GCNT2: variants seen among roughly 807,000 people sequenced by gnomAD.
GCNT2 encodes N-acetyllactosaminide beta-1,6-N-acetylglucosaminyl-transferase.
GCNT2 carries 34 observed loss-of-function variants against 34.2 expected under a neutral mutation model. The ratio of observed to expected loss-of-function variants is 1.00; its 90% confidence interval spans 0.76 to 1.32. The LOEUF is 1.32. GCNT2 is among the 40% of genes most tolerant of loss of function. GCNT2 has a pLI of 0.00. For synonymous variants in GCNT2, 212 were observed against 188.0 expected, an observed-to-expected ratio of 1.13 and a Z score of -1.04; for missense variants, 584 against 489.4, an observed-to-expected ratio of 1.19 and a Z score of -1.82.
chr6:10,604,851 C>T (rs1171303555), intron 3 of GCNT2, among the ~76,000 whole-genome samples: 1 of 137,068 alleles, frequency 7.3e-6, no homozygotes, highest in Non-Finnish European at 1.6e-5. Context: ...AGAGTGAGAC[C>T]TTGTCTCAAA....
At chr6:10,608,335 C>G (rs1449734102) in intron 3 of GCNT2, among the ~76,000 whole-genome samples, 1 of 152,132 alleles carries the variant, frequency 6.6e-6, no homozygotes, top group Non-Finnish European at 1.5e-5. Flanking sequence ...GCCTCAGCCT[C>G]ACAAAGTGCT....
rs1761412610 is a variant in GCNT2 at position 10,530,107 on chromosome 6, A to G, written c.925+271A>G. ...CCGAGCACAGTGGCTCAAGCCTGTAATCACAGCACTTTGGGAGGCGGAGGC... is the reference window on the plus strand; with the variant it reads ...CCGAGCACAGTGGCTCAAGCCTGTAGTCACAGCACTTTGGGAGGCGGAGGC... On this transcript the variant is annotated intron_variant, in intron 3 of 4. Coordinates refer to ENST00000495262, the MANE Select transcript of GCNT2 (RefSeq NM_145649.5). 8 of 366,184 alleles carry G rather than the reference A, an allele frequency of 2.2e-5. No homozygotes were observed. In the South Asian group the frequency reaches 2.4e-4, roughly 11 times the overall value. The allele number at this position is 366,184 out of a possible 1,614,324, so 22.7% of individuals were successfully genotyped here.
chr6:10,586,812 G>A (rs768327909), intron 3 of GCNT2: 10 of 1,613,500 alleles, frequency 6.2e-6, no homozygotes, highest in South Asian at 2.2e-5. Context: ...AGACTTTGTC[G>A]ACTTTGTTCT....
intron 3 of GCNT2, among the ~76,000 whole-genome samples, chr6:10,569,453 C>G (rs1480900741): frequency 6.6e-6 from 1 of 152,056 alleles, no homozygotes; most frequent in Non-Finnish European, 1.5e-5. Context: ...TCCCAAGTAG[C>G]TGGGATTATA....
At chr6:10,557,401 A>G (rs1762771079) in intron 3 of GCNT2, 1 of 1,307,496 alleles carries the variant, frequency 7.6e-7, no homozygotes, top group Non-Finnish European at 1.1e-6. Flanking sequence ...AGGGCTTTAG[A>G]ATAACCAGCC....
intron 3 of GCNT2, among the ~76,000 whole-genome samples, chr6:10,577,843 T>C (rs1170825010): frequency 1.3e-5 from 2 of 151,940 alleles, no homozygotes; most frequent in South Asian, 2.1e-4. Context: ...ACCCGGCCTA[T>C]TGAATCCATT....
intron 3 of GCNT2, among the ~76,000 whole-genome samples, chr6:10,533,800 C>CAAAA (rs869274003): frequency 4.6e-5 from 2 of 43,374 alleles, no homozygotes; most frequent in Non-Finnish European, 8.0e-5. Flanking sequence ...GACTCTGTCT[C>CAAAA]AAAAAAAAAA....
intron 3 of GCNT2, among the ~76,000 whole-genome samples, chr6:10,591,135 C>A (rs929261008): frequency 6.6e-6 from 1 of 152,200 alleles, no homozygotes; most frequent in African/African-American, 2.4e-5. Flanking sequence ...TACCAGACCT[C>A]CTCAGTATTT....
intron 3 of GCNT2, among the ~76,000 whole-genome samples, chr6:10,589,256 G>T (rs1764521412): frequency 6.8e-6 from 1 of 146,064 alleles, no homozygotes. Flanking sequence ...TGGTGTGTAT[G>T]TACATGTGTG....
intron 3 of GCNT2, chr6:10,585,651 C>G (rs1764309503): frequency 1.9e-6 from 1 of 513,896 alleles, no homozygotes; most frequent in African/African-American, 2.0e-5. Flanking sequence ...CATTGCATTC[C>G]AGAACGTAAT....
chr6:10,525,336 T>G (rs1761132286), intron 1 of GCNT2, among the ~76,000 whole-genome samples: 1 of 151,948 alleles, frequency 6.6e-6, no homozygotes, highest in Non-Finnish European at 1.5e-5. Flanking sequence ...TCAGAACTCT[T>G]TATTTATCCC....
intron 3 of GCNT2, among the ~76,000 whole-genome samples, chr6:10,567,118 A>G (rs892073329): frequency 6.6e-6 from 1 of 152,218 alleles, no homozygotes; most frequent in African/African-American, 2.4e-5. Context: ...CAAGAGTTCA[A>G]GATAAGCCTG....
chr6:10,556,654 C>T (rs766770393), intron 3 of GCNT2: 113 of 1,613,890 alleles, frequency 7.0e-5, no homozygotes, highest in Non-Finnish European at 9.0e-5. Flanking sequence ...AATACTTGAC[C>T]CAGAGCCACT....
At chr6:10,586,157 G>A in intron 3 of GCNT2, 1 of 1,614,176 alleles carries the variant, frequency 6.2e-7, no homozygotes, top group Non-Finnish European at 8.5e-7. Flanking sequence ...TAGAGAAAAT[G>A]CCAGTCTTTT....
At chr6:10,564,034 C>CA (rs1465655049) in intron 3 of GCNT2, among the ~76,000 whole-genome samples, 1 of 152,018 alleles carries the variant, frequency 6.6e-6, no homozygotes, top group Non-Finnish European at 1.5e-5. Context: ...TAGACCCACT[C>CA]AAAAACTTTC....
chr6:10,522,161 T>C (rs566048320), intron 1 of GCNT2, among the ~76,000 whole-genome samples: 1 of 152,260 alleles, frequency 6.6e-6, no homozygotes, highest in African/African-American at 2.4e-5. Context: ...GTGCTGGGAT[T>C]ACAGGCGTGA....
intron 4 of GCNT2, among the ~76,000 whole-genome samples, chr6:10,623,242 A>C (rs1029013614): frequency 3.3e-5 from 5 of 151,042 alleles, no homozygotes; most frequent in Non-Finnish European, 5.9e-5. Flanking sequence ...TAATATATTT[A>C]ATCAGCCTGT....
At chr6:10,617,809 C>G (rs1249527022) in intron 3 of GCNT2, among the ~76,000 whole-genome samples, 2 of 140,822 alleles carry the variant, frequency 1.4e-5, no homozygotes, top group Non-Finnish European at 3.0e-5. Context: ...GGCTGGAGTG[C>G]AGTGCTGCAA....
chr6:10,625,229 G>T (rs1156724274), intron 4 of GCNT2, among the ~76,000 whole-genome samples: 1 of 152,050 alleles, frequency 6.6e-6, no homozygotes, highest in African/African-American at 2.4e-5. Flanking sequence ...TGTTATTACT[G>T]CAGCCTCTTG....
Sources: allele counts gnomAD v4.1 joint callset (sites outside exome capture counted in the v4.1 genomes callset), GRCh38; gene constraint gnomAD v4.1.1; transcripts MANE v1.5; gene names NCBI Gene and HGNC (gene_info 2026-07-23, HGNC 2026-07-21).